Variants in DLGAP2 observed in about 807,000 individuals in gnomAD.
DLGAP2 encodes disks large-associated protein 2.
A neutral mutation model predicts 100.3 loss-of-function variants in DLGAP2; 26 were observed. That is an observed-to-expected ratio of 0.26 (90% CI 0.19 to 0.36). The LOEUF is 0.36. DLGAP2 is among the 10% of genes least tolerant of loss of function. The pLI is 1.00. For missense variants in DLGAP2, 1,858 were observed against 1,453.2 expected (o/e 1.28, Z -4.53); for synonymous variants, 886 against 630.1 (o/e 1.41, Z -6.08).
intron 1 of DLGAP2, among the ~76,000 whole-genome samples, chr8:890,641 G>A (rs1477002248): frequency 1.3e-5 from 2 of 151,890 alleles, no homozygotes; most frequent in African/African-American, 4.8e-5. Flanking sequence ...CTCACAGTGG[G>A]GACTTGCAGG....
At chr8:1,003,107 C>G (rs1367814280) in intron 2 of DLGAP2, 1 of 152,372 alleles carries the variant, frequency 6.6e-6, no homozygotes, top group Non-Finnish European at 1.5e-5. Flanking sequence ...ATGCAGAGAC[C>G]CCTGAGCACT....
At chr8:1,649,350 A>G (rs536382119) in intron 8 of DLGAP2, among the ~76,000 whole-genome samples, 2 of 151,808 alleles carry the variant, frequency 1.3e-5, no homozygotes, top group Admixed American at 1.3e-4. Context: ...CAAAGCTACC[A>G]GAACACTCAA....
chr8:1,325,201 C>G (rs574917329), intron 3 of DLGAP2, among the ~76,000 whole-genome samples: 2 of 152,206 alleles, frequency 1.3e-5, no homozygotes, highest in Non-Finnish European at 2.9e-5. Flanking sequence ...CTCAGCGAGG[C>G]TGTCCTGAGA....
At chr8:837,874 G>T (rs965617704) in intron 1 of DLGAP2, among the ~76,000 whole-genome samples, 2 of 147,372 alleles carry the variant, frequency 1.4e-5, no homozygotes, top group Non-Finnish European at 3.0e-5. Context: ...GCATCACCAC[G>T]CCCGGCTAGT....
intron 1 of DLGAP2, among the ~76,000 whole-genome samples, chr8:807,099 TGTA>T (rs1796285048): frequency 6.6e-6 from 1 of 152,250 alleles, no homozygotes; most frequent in Non-Finnish European, 1.5e-5. Context: ...CACGCACTTC[TGTA>T]TTTAGGGTTT....
intron 8 of DLGAP2, among the ~76,000 whole-genome samples, chr8:1,651,408 C>T (rs1446364930): frequency 2.0e-5 from 3 of 152,300 alleles, no homozygotes; most frequent in African/African-American, 7.2e-5. Flanking sequence ...GCTGTGGCAC[C>T]AGCTGCTGGT....
intron 6 of DLGAP2, among the ~76,000 whole-genome samples, chr8:1,602,674 C>A (rs1240734194): frequency 6.6e-6 from 1 of 152,226 alleles, no homozygotes; most frequent in African/African-American, 2.4e-5. Context: ...GAAGCCCCTC[C>A]TTCCCAGGAG....
chr8:1,413,674 C>G (rs1796795960), intron 3 of DLGAP2, among the ~76,000 whole-genome samples: 1 of 152,230 alleles, frequency 6.6e-6, no homozygotes, highest in East Asian at 1.9e-4. Context: ...ATTGGAGTCA[C>G]TCTTATCTTT....
intron 3 of DLGAP2, among the ~76,000 whole-genome samples, chr8:1,368,015 T>G (rs938324256): frequency 1.8e-4 from 27 of 152,156 alleles, no homozygotes; most frequent in African/African-American, 6.5e-4. Context: ...GGGGACTGAT[T>G]GGTTTTATTT....
intron 1 of DLGAP2, among the ~76,000 whole-genome samples, chr8:898,865 G>A (rs1011222229): frequency 6.6e-6 from 1 of 152,198 alleles, no homozygotes; most frequent in Non-Finnish European, 1.5e-5. Context: ...GGATATCCCT[G>A]TTCACTGGAG....
At chr8:1,537,094 G>T (rs1355734179) in intron 4 of DLGAP2, among the ~76,000 whole-genome samples, 1 of 151,830 alleles carries the variant, frequency 6.6e-6, no homozygotes, top group Admixed American at 6.6e-5. Context: ...GGTATGTGGT[G>T]TGTGGTGTGT....
chr8:1,117,317 A>G (rs547156056), intron 2 of DLGAP2, among the ~76,000 whole-genome samples: 29 of 152,322 alleles, frequency 1.9e-4, no homozygotes, highest in African/African-American at 6.5e-4. Flanking sequence ...CAGAGGTGCC[A>G]CACTGGGGAC....
chr8:916,504 C>T (rs1464333335), intron 2 of DLGAP2, among the ~76,000 whole-genome samples: 5 of 152,098 alleles, frequency 3.3e-5, no homozygotes, highest in Admixed American at 2.0e-4. Context: ...GGAAGGGGAA[C>T]ATCACACACC....
At chr8:925,088 G>A (rs1361367825) in intron 2 of DLGAP2, among the ~76,000 whole-genome samples, 2 of 152,094 alleles carry the variant, frequency 1.3e-5, no homozygotes, top group Admixed American at 6.5e-5. Context: ...TGTTGATAAT[G>A]GTGAAAGTGT....
At chr8:1,046,485 T>A (rs1010934874) in intron 2 of DLGAP2, among the ~76,000 whole-genome samples, 9 of 152,154 alleles carry the variant, frequency 5.9e-5, no homozygotes, top group Admixed American at 4.6e-4. Context: ...CCTTTTCTGC[T>A]GGAATAAAAA....
intron 6 of DLGAP2, among the ~76,000 whole-genome samples, chr8:1,566,717 G>A (rs895370199): frequency 1.3e-5 from 2 of 152,172 alleles, no homozygotes; most frequent in Non-Finnish European, 1.5e-5. Context: ...TCCCTGTATT[G>A]TCTCTATCCA....
At chr8:1,172,802 T>C (rs1004645633) in intron 2 of DLGAP2, among the ~76,000 whole-genome samples, 1 of 152,154 alleles carries the variant, frequency 6.6e-6, no homozygotes, top group Non-Finnish European at 1.5e-5. Flanking sequence ...TTTTTCAAAG[T>C]TTTTAACTTC....
chr8:836,468 G>T (rs1191729089), intron 1 of DLGAP2, among the ~76,000 whole-genome samples: 1 of 152,214 alleles, frequency 6.6e-6, no homozygotes, highest in Admixed American at 6.5e-5. Flanking sequence ...GGGTCCGAGG[G>T]CTCCTGTGTG....
chr8:1,070,381 A>G (rs1231455565), intron 2 of DLGAP2, among the ~76,000 whole-genome samples: 2 of 152,096 alleles, frequency 1.3e-5, no homozygotes, highest in African/African-American at 4.8e-5. Context: ...TGGCCCAATA[A>G]ATCTCGTGGT....
Sources: gnomAD v4.1 joint callset for allele counts (sites outside exome capture counted in the v4.1 genomes callset) on GRCh38, gnomAD v4.1.1 for gene constraint, MANE v1.5 for transcripts, NCBI Gene and HGNC (gene_info 2026-07-23, HGNC 2026-07-21) for gene names.